MTR: variants seen among roughly 807,000 people sequenced by gnomAD.
MTR encodes the protein 5-methyltetrahydrofolate-homocysteine methyltransferase.
MTR carries 84 observed loss-of-function variants against 154.8 expected under a neutral mutation model. The ratio of observed to expected loss-of-function variants is 0.54; its 90% CI spans 0.45 to 0.65. The LOEUF (loss-of-function observed/expected upper bound fraction) is 0.65. MTR is among the 30% of genes least tolerant of loss of function. The pLI is 0.00. For missense variants in MTR, 1,275 were observed against 1,570.2 expected (o/e 0.81, Z 3.18); for synonymous variants, 554 against 553.9 (o/e 1.00, Z 0.00).
At chr1:236,830,259 T>A (rs542631980) in intron 12 of MTR, among the ~76,000 whole-genome samples, 2 of 152,226 alleles carry the variant, frequency 1.3e-5, no homozygotes, top group African/African-American at 4.8e-5. Flanking sequence ...TGATACTCCC[T>A]CTCTGGAAAT....
intron 15 of MTR, among the ~76,000 whole-genome samples, chr1:236,849,352 A>G (rs1663766504): frequency 6.6e-6 from 1 of 152,186 alleles, no homozygotes; most frequent in Non-Finnish European, 1.5e-5. Flanking sequence ...GAAAAATACT[A>G]AAGATGTTGC....
intron 9 of MTR, among the ~76,000 whole-genome samples, chr1:236,825,113 A>G (rs976091259): frequency 1.4e-5 from 2 of 146,152 alleles, no homozygotes; most frequent in Non-Finnish European, 3.0e-5. Flanking sequence ...AACGGAAAAG[A>G]AATAATGGAG....
intron 15 of MTR, among the ~76,000 whole-genome samples, chr1:236,842,767 A>AT (rs796949485): frequency 4.0e-5 from 5 of 125,366 alleles, no homozygotes; most frequent in Non-Finnish European, 8.0e-5. Flanking sequence ...GGAATAACAA[A>AT]TTTAAAAAAA....
chr1:236,806,073 A>C, intron 2 of MTR, 71 bp from the exon 3 acceptor site: 1 of 1,263,858 alleles, frequency 7.9e-7, no homozygotes, highest in East Asian at 2.3e-5. Context: ...GTGGTAATGA[A>C]AGGGCATGTT....
intron 26 of MTR, 84 bp from the exon 27 acceptor site, chr1:236,886,208 C>A: frequency 9.2e-7 from 1 of 1,083,522 alleles, no homozygotes; most frequent in Non-Finnish European, 1.4e-6. Flanking sequence ...GCAAAGCTTA[C>A]ATACTGGCCT....
intron 12 of MTR, 49 bp downstream of exon 12, chr1:236,829,317 G>T (rs377716236): frequency 2.8e-6 from 4 of 1,454,064 alleles, no homozygotes; most frequent in Non-Finnish European, 3.9e-6. Flanking sequence ...CATTTGTGGA[G>T]TGTGAGTATT....
intron 1 of MTR, among the ~76,000 whole-genome samples, chr1:236,802,055 G>C (rs958730831): frequency 6.6e-6 from 1 of 152,162 alleles, no homozygotes; most frequent in Non-Finnish European, 1.5e-5. Context: ...GTTGAAGAAA[G>C]GGGTTGTCAC....
At chr1:236,841,296 G>A (rs776989274) in intron 15 of MTR, among the ~76,000 whole-genome samples, 3 of 152,166 alleles carry the variant, frequency 2.0e-5, no homozygotes, top group East Asian at 1.9e-4. Flanking sequence ...TTATTAAACA[G>A]TGTAAAAGCT....
intron 1 of MTR, among the ~76,000 whole-genome samples, chr1:236,802,097 C>T (rs547987738): frequency 6.6e-6 from 1 of 152,236 alleles, no homozygotes; most frequent in African/African-American, 2.4e-5. Context: ...TTGTGCATGG[C>T]ATTTTAGAGG....
chr1:236,838,344 T>A (rs1337167532), intron 14 of MTR, 70 bp from the exon 15 acceptor site: 1 of 1,473,706 alleles, frequency 6.8e-7, no homozygotes, highest in East Asian at 2.3e-5. Flanking sequence ...GGGAATACTT[T>A]GGAGCCTTTG....
At position 236,902,786 on chromosome 1, in the gene MTR, A is replaced by C. The variant is rs1316385038; in HGVS notation, c.*5142A>C. On this transcript the variant is annotated 3_prime_UTR_variant, in exon 33 of 33. Transcript: ENST00000366577. ...CAGTATTTCATATTAGATGCGGCCC[A>C]AGTGATACTTTCTTTACCGTCCCGT... 1 of 152,216 alleles carries C rather than the reference A, an allele frequency of 6.6e-6. No individual in the cohort carries two copies. Among genetic ancestry groups the C allele is most frequent in the Non-Finnish European group, 1.5e-5 (1 of 68,056 alleles). 9.4% of individuals were successfully genotyped at this position (152,216 alleles called of 1,614,324 possible). A position where few individuals can be genotyped will look rare whatever the true frequency, so the allele number is the denominator to read the frequency against.
intron 22 of MTR, among the ~76,000 whole-genome samples, chr1:236,865,636 G>T (rs1452751626): frequency 6.6e-6 from 1 of 152,138 alleles, no homozygotes; most frequent in Non-Finnish European, 1.5e-5. Context: ...GAGAGAAAAT[G>T]TATTTTTTAA....
intron 16 of MTR, among the ~76,000 whole-genome samples, chr1:236,851,602 A>G (rs141437077): frequency 1.5e-3 from 230 of 152,298 alleles, no homozygotes; most frequent in African/African-American, 5.4e-3. Context: ...CTAGCCCTGT[A>G]TTTCTCCTAG....
rs1248443631 is a variant in MTR, at chr1:236,850,337, T to G, written c.1516-7T>G. The G allele has an allele frequency of 4.3e-6, 7 of 1,609,592 alleles. No homozygotes were observed. Among genetic ancestry groups the G allele is most frequent in the Non-Finnish European group, 5.1e-6 (6 of 1,177,218 alleles). ...TTTCAAACTACATCTTTTGCTCTTT[T>G]CCCTAGGCAACAGAAACAGACACAA... On this transcript the variant is annotated splice_region_variant and splice_polypyrimidine_tract_variant and intron_variant, in intron 15 of 32. Coordinates refer to ENST00000366577, the MANE Select transcript of MTR (RefSeq NM_000254.3).
At chr1:236,855,829 C>G (rs577829838) in intron 18 of MTR, among the ~76,000 whole-genome samples, 1 of 152,284 alleles carries the variant, frequency 6.6e-6, no homozygotes, top group Admixed American at 6.5e-5. Flanking sequence ...TGGGTCTGGT[C>G]TTCCTTAGTA....
Position 236,803,631 on chromosome 1 carries a change from C to A in MTR, c.238C>A (p.Gln80Lys). The A allele has an allele frequency of 1.9e-6, 3 of 1,613,686 alleles. No homozygotes were observed. The highest frequency in any genetic ancestry group is 2.5e-6 in the Non-Finnish European group (3 of 1,179,632). Residue 80 changes from glutamine to lysine, a missense_variant, in exon 2 of 33, where the codon CAA (glutamine) becomes AAA (lysine). Gln to Lys is a moderately conservative substitution (Grantham distance 53). Coordinates refer to ENST00000366577, the MANE Select transcript of MTR (RefSeq NM_000254.3). ...LSITQPDVIY[Q>K]IHKEYLLAGA... ...TATAACTCAGCCTGATGTCATTTAC[C>A]AAATCCATAAGGTAAAGTATTCCCA... is the stretch of plus-strand genomic sequence containing the variant.
Position 236,859,827 on chromosome 1 carries a change from A to T in MTR, c.1954-6A>T. 6.2e-7 allele frequency: 1 copy of T among 1,613,012 alleles called. No homozygotes were observed. Among genetic ancestry groups the T allele is most frequent in the Non-Finnish European group, 8.5e-7 (1 of 1,179,042 alleles). ...TATCCATTTCTTGGTTTCAATTTCA[A>T]TTCAGACTCAAGGCACAGGAGGGAA... is the stretch of plus-strand genomic sequence containing the variant. On this transcript the variant is annotated splice_region_variant and splice_polypyrimidine_tract_variant and intron_variant, in intron 18 of 32. Transcript: ENST00000366577.
At position 236,799,118 on chromosome 1, in the gene MTR, G is replaced by GT. The variant is rs397961276; in HGVS notation, c.34+3392dup. ...ATAAGCAAGTAGTTGAGGAAACTAT[G>GT]TTTTTTTTTTTCCCCCTTTTTCTTG... On this transcript the variant is annotated intron_variant, in intron 1 of 32. Coordinates refer to ENST00000366577, the MANE Select transcript of MTR (RefSeq NM_000254.3). 3.4e-3 allele frequency among the ~76,000 whole-genome samples: 494 copies of GT among 147,188 alleles called. 20 individuals are homozygous for GT. In the East Asian group the frequency reaches 0.076, roughly 23 times the overall value.
chr1:236,796,386 T>G (rs1660389445), intron 1 of MTR, among the ~76,000 whole-genome samples: 1 of 152,186 alleles, frequency 6.6e-6, no homozygotes, highest in African/African-American at 2.4e-5. Context: ...AACGTAATGT[T>G]AGCTTTATAA....
Sources: allele counts gnomAD v4.1 joint callset (sites outside exome capture counted in the v4.1 genomes callset), GRCh38; gene constraint gnomAD v4.1.1; transcripts MANE v1.5; gene names NCBI Gene and HGNC (gene_info 2026-07-23, HGNC 2026-07-21).